GALNT13: variants seen among roughly 807,000 people sequenced by gnomAD.
GALNT13 encodes polypeptide N-acetylgalactosaminyltransferase 13.
A neutral mutation model predicts 64.2 loss-of-function variants in GALNT13; 28 were observed. That is an observed-to-expected ratio of 0.44 (90% CI 0.32 to 0.60). GALNT13 has a LOEUF of 0.60. GALNT13 is among the 20% of genes least tolerant of loss of function. The probability of loss-of-function intolerance (pLI) is 0.05; values close to 1 mark genes in which losing one functional copy is unlikely to be tolerated. For synonymous variants in GALNT13, 214 were observed against 224.6 expected (o/e 0.95, Z 0.42); for missense variants, 577 against 669.8 (o/e 0.86, Z 1.53).
At chr2:153,276,695 A>C in the GALNT13 span, among the ~76,000 whole-genome samples, 1 of 50,026 alleles carries the variant, frequency 2.0e-5, no homozygotes, top group African/African-American at 1.2e-4. Flanking sequence ...TTTATTGGCC[A>C]ATTGAATATC....
chr2:154,203,544 T>C lies in GALNT13; in HGVS notation c.312-38486T>C, dbSNP rs76611780. ...ACCTCCTCCTAGTCATGTAATTCCT[T>C]TCAAAGTCATTCAGACAAGAAGTCT... On this transcript the variant is annotated intron_variant, in intron 4 of 12. Coordinates refer to ENST00000392825, the MANE Select transcript of GALNT13 (RefSeq NM_052917.4). Among the ~76,000 whole-genome samples the C allele has an allele frequency of 6.4e-3, 975 of 152,240 alleles. 11 individuals are homozygous for C. The highest frequency in any genetic ancestry group is 0.021 in the African/African-American group (878 of 41,540).
intron 1 of GALNT13, among the ~76,000 whole-genome samples, chr2:153,898,858 A>C: frequency 1.7e-5 from 1 of 57,222 alleles, no homozygotes; most frequent in South Asian, 5.2e-4. Context: ...TTGCACAGCA[A>C]AAAAAAAAAA....
At chr2:153,927,569 A>G (rs1356885017) in intron 2 of GALNT13, among the ~76,000 whole-genome samples, 1 of 152,038 alleles carries the variant, frequency 6.6e-6, no homozygotes, top group Non-Finnish European at 1.5e-5. Context: ...GCAATATTAT[A>G]TGACAAGTTT....
chr2:153,442,454 G>C, the GALNT13 span, among the ~76,000 whole-genome samples: 1 of 152,122 alleles, frequency 6.6e-6, no homozygotes, highest in Non-Finnish European at 1.5e-5. Context: ...GATGATGCTG[G>C]CCTCATAAAA....
intron 1 of GALNT13, among the ~76,000 whole-genome samples, chr2:153,900,398 C>T (rs536752160): frequency 3.9e-5 from 6 of 152,208 alleles, no homozygotes; most frequent in Admixed American, 3.3e-4. Flanking sequence ...GTGGGGTATG[C>T]AGGTCGTGTG....
chr2:153,906,742 A>C (rs1285800799), intron 2 of GALNT13, among the ~76,000 whole-genome samples: 1 of 151,440 alleles, frequency 6.6e-6, no homozygotes, highest in Non-Finnish European at 1.5e-5. Flanking sequence ...ATGATTTATA[A>C]TCCTTTGGGT....
intron 2 of GALNT13, among the ~76,000 whole-genome samples, chr2:153,920,069 A>G (rs939343213): frequency 2.7e-5 from 4 of 149,366 alleles, no homozygotes; most frequent in Non-Finnish European, 5.9e-5. Context: ...AATTTTTAGA[A>G]AAAATAATAC....
chr2:153,859,128 G>C, the GALNT13 span, among the ~76,000 whole-genome samples: 1 of 152,188 alleles, frequency 6.6e-6, no homozygotes, highest in African/African-American at 2.4e-5. Flanking sequence ...GGAAGAGGGT[G>C]TACTACTGTA....
At chr2:153,809,508 A>G in the GALNT13 span, among the ~76,000 whole-genome samples, 2 of 152,120 alleles carry the variant, frequency 1.3e-5, no homozygotes, top group South Asian at 4.1e-4. Flanking sequence ...CCTTTTAATC[A>G]AAAAACAAAA....
At chr2:153,228,827 A>G in the GALNT13 span, among the ~76,000 whole-genome samples, 4 of 148,046 alleles carry the variant, frequency 2.7e-5, no homozygotes, top group Non-Finnish European at 5.9e-5. Flanking sequence ...GAGTCCAGAT[A>G]GCACCACTGC....
the GALNT13 span, among the ~76,000 whole-genome samples, chr2:153,741,253 T>C: frequency 6.6e-6 from 1 of 152,056 alleles, no homozygotes; most frequent in Non-Finnish European, 1.5e-5. Context: ...CTATCCAATG[T>C]ACTTTTCTAT....
At chr2:153,854,997 G>A in the GALNT13 span, among the ~76,000 whole-genome samples, 15 of 152,000 alleles carry the variant, frequency 9.9e-5, no homozygotes, top group Non-Finnish European at 1.6e-4. Context: ...ATGAGCCAAC[G>A]TGTATATAAA....
chr2:153,301,546 A>G, the GALNT13 span, among the ~76,000 whole-genome samples: 1 of 152,046 alleles, frequency 6.6e-6, no homozygotes, highest in African/African-American at 2.4e-5. Flanking sequence ...TGTGGTGAGA[A>G]GAGTTAAAAT....
At chr2:153,366,533 G>A in the GALNT13 span, among the ~76,000 whole-genome samples, 53 of 151,992 alleles carry the variant, frequency 3.5e-4, no homozygotes, top group Non-Finnish European at 6.5e-4. Context: ...AAAGCTGTGG[G>A]ATCATATAAA....
chr2:153,563,287 G>C, the GALNT13 span, among the ~76,000 whole-genome samples: 1 of 151,814 alleles, frequency 6.6e-6, no homozygotes, highest in Non-Finnish European at 1.5e-5. Flanking sequence ...TCATTTTGAG[G>C]TTTTTCTTTG....
the GALNT13 span, among the ~76,000 whole-genome samples, chr2:153,810,942 G>A: frequency 6.6e-6 from 1 of 152,088 alleles, no homozygotes; most frequent in South Asian, 2.1e-4. Flanking sequence ...AAGAATAATT[G>A]TCATTGTTTT....
the GALNT13 span, among the ~76,000 whole-genome samples, chr2:153,483,523 TCTC>T: frequency 1.3e-5 from 2 of 150,498 alleles, no homozygotes; most frequent in South Asian, 2.1e-4. Context: ...TTCAAGCAAT[TCTC>T]CTGCCTCTGC....
the GALNT13 span, among the ~76,000 whole-genome samples, chr2:153,679,701 T>C: frequency 6.6e-6 from 1 of 151,914 alleles, no homozygotes; most frequent in Non-Finnish European, 1.5e-5. Flanking sequence ...TTTTAAAAAC[T>C]GCCAACTATA....
At chr2:153,551,040 G>A in the GALNT13 span, among the ~76,000 whole-genome samples, 1 of 152,108 alleles carries the variant, frequency 6.6e-6, no homozygotes, top group Non-Finnish European at 1.5e-5. Context: ...AAGTCAAATT[G>A]TAATACAAGT....
Sources: gnomAD v4.1 joint callset for allele counts (sites outside exome capture counted in the v4.1 genomes callset) on GRCh38, gnomAD v4.1.1 for gene constraint, MANE v1.5 for transcripts, NCBI Gene and HGNC (gene_info 2026-07-23, HGNC 2026-07-21) for gene names.